Variants in BFSP1 observed in about 807,000 individuals in gnomAD.
The protein encoded by BFSP1 is beaded filament structural protein 1.
BFSP1 carries 38 observed loss-of-function variants against 43.9 expected under a neutral mutation model. The observed-to-expected ratio is 0.87, with a 90% CI of 0.67 to 1.14. The LOEUF is 1.14. BFSP1 is among the 50% of genes most tolerant of loss of function. The pLI, the probability that BFSP1 is intolerant of heterozygous loss-of-function variation, is 0.00. For missense variants in BFSP1, 850 were observed against 875.1 expected, an observed-to-expected ratio of 0.97 and a Z score of 0.36; for synonymous variants, 352 against 354.8, an observed-to-expected ratio of 0.99 and a Z score of 0.09.
intron 1 of BFSP1, among the ~76,000 whole-genome samples, chr20:17,543,415 C>T (rs2034751797): frequency 1.3e-5 from 2 of 152,196 alleles, no homozygotes. Context: ...GTTATTAGAG[C>T]ATAAATGGTG....
chr20:17,567,334 C>A (rs2122138862), intron 1 of BFSP1, among the ~76,000 whole-genome samples: 1 of 152,290 alleles, frequency 6.6e-6, no homozygotes, highest in South Asian at 2.1e-4. Flanking sequence ...TATGCCAGTT[C>A]ATACATACGC....
intron 1 of BFSP1, among the ~76,000 whole-genome samples, chr20:17,529,127 C>T (rs986261352): frequency 7.3e-5 from 11 of 150,920 alleles, no homozygotes; most frequent in Non-Finnish European, 1.2e-4. Flanking sequence ...GGCTGGAGTG[C>T]AGTGGCGCAA....
chr20:17,551,231 C>T (rs932083530), intron 1 of BFSP1, among the ~76,000 whole-genome samples: 4 of 152,154 alleles, frequency 2.6e-5, no homozygotes, highest in Non-Finnish European at 5.9e-5. Flanking sequence ...AGCATCTGCT[C>T]GGCTTCTGAG....
intron 1 of BFSP1, among the ~76,000 whole-genome samples, chr20:17,526,033 A>G (rs73898303): frequency 0.057 from 8,642 of 151,102 alleles, 572 homozygotes; most frequent in East Asian, 0.36. Flanking sequence ...ACTGTACAGT[A>G]TCATACTAAA....
intron 2 of BFSP1, among the ~76,000 whole-genome samples, chr20:17,519,855 G>A (rs1046046869): frequency 6.6e-6 from 1 of 152,202 alleles, no homozygotes; most frequent in Non-Finnish European, 1.5e-5. Flanking sequence ...CTGCTGATAC[G>A]CTGAGGAAAA....
At chr20:17,495,920 C>T (rs1006085038) in intron 7 of BFSP1, among the ~76,000 whole-genome samples, 6 of 152,230 alleles carry the variant, frequency 3.9e-5, no homozygotes, top group Middle Eastern at 3.4e-3. Context: ...CCAGGTGAGC[C>T]GGCAACAGCA....
At chr20:17,502,736 C>T (rs2123466343) in intron 5 of BFSP1, among the ~76,000 whole-genome samples, 1 of 152,248 alleles carries the variant, frequency 6.6e-6, no homozygotes, top group East Asian at 1.9e-4. Context: ...TAGTGTGATC[C>T]AGTTTCTGTT....
intron 1 of BFSP1, among the ~76,000 whole-genome samples, chr20:17,547,383 G>C (rs1411448320): frequency 6.6e-6 from 1 of 152,034 alleles, no homozygotes; most frequent in Non-Finnish European, 1.5e-5. Context: ...TGAGGGCACT[G>C]AAATCTCTCG....
chr20:17,544,805 T>C (rs2034773932), intron 1 of BFSP1, among the ~76,000 whole-genome samples: 1 of 152,200 alleles, frequency 6.6e-6, no homozygotes, highest in Admixed American at 6.5e-5. Context: ...ATCCCTCTTT[T>C]TCCAAAAATC....
chr20:17,504,937 T>C (rs528820600), intron 5 of BFSP1, among the ~76,000 whole-genome samples: 70 of 132,976 alleles, frequency 5.3e-4, no homozygotes, highest in Non-Finnish European at 8.9e-4. Context: ...TGTTTTTGTT[T>C]TGTCTTAAAA....
chr20:17,511,581 C>T (rs1486981015), intron 4 of BFSP1, among the ~76,000 whole-genome samples: 1 of 152,180 alleles, frequency 6.6e-6, no homozygotes, highest in Non-Finnish European at 1.5e-5. Context: ...AGCAAAGACA[C>T]ACTACAAAGC....
chr20:17,497,082 C>G, intron 6 of BFSP1, 59 bp from the exon 7 acceptor site: 11 of 1,300,748 alleles, frequency 8.5e-6, no homozygotes, highest in Non-Finnish European at 1.1e-5. Flanking sequence ...GAGCGACTCT[C>G]GTTAATGTTG....
chr20:17,500,013 T>C (rs2033757604), intron 5 of BFSP1, among the ~76,000 whole-genome samples: 1 of 148,194 alleles, frequency 6.7e-6, no homozygotes, highest in Admixed American at 6.8e-5. Flanking sequence ...AGCATAAATC[T>C]GATAGCAAAA....
rs533071114 is a variant in BFSP1 at position 17,552,935 on chromosome 20, T to A, written c.2+5753A>T. On this transcript the variant is annotated intron_variant, in intron 1 of 7. Transcript: ENST00000377868. ...TCTGGAGAGAGGTCAAGGACAGACA[T>A]AAATTTGGGAACCAACAGCAGAGAG... Among the ~76,000 whole-genome samples the A allele has an allele frequency of 3.3e-5, 5 of 152,258 alleles. No homozygotes were observed. In the East Asian group the frequency reaches 5.8e-4, roughly 18 times the overall value.
upstream of BFSP1, chr20:17,531,494 A>G (rs1486871959): frequency 1.9e-6 from 2 of 1,055,884 alleles, no homozygotes; most frequent in African/African-American, 1.7e-5. Flanking sequence ...GGCGCGGGAG[A>G]AGAAAAGAGC....
rs200332464 is a variant in BFSP1, at chr20:17,567,864, A to AG, written n.50+1306_50+1307insC. Among the ~76,000 whole-genome samples the AG allele has an allele frequency of 2.7e-3, 406 of 151,096 alleles. 7 individuals carry two copies. Among genetic ancestry groups the AG allele is most frequent in the Admixed American group, 0.019 (280 of 15,120 alleles). On this transcript the variant is annotated intron_variant and non_coding_transcript_variant, in intron 1 of 6. Transcript: ENST00000473415. ...CAACAAGAGTGAAACTCAGTCTCAA[A>AG]AAAAAAAAAAAAAGATTTGAGAAGT...
chr20:17,550,069 C>T (rs146300609), intron 1 of BFSP1, among the ~76,000 whole-genome samples: 5 of 152,172 alleles, frequency 3.3e-5, no homozygotes, highest in Admixed American at 2.0e-4. Flanking sequence ...TAGTACCACT[C>T]GGGATTGCTT....
At chr20:17,521,229 G>A (rs148728959) in intron 2 of BFSP1, among the ~76,000 whole-genome samples, 49 of 152,338 alleles carry the variant, frequency 3.2e-4, no homozygotes, top group African/African-American at 1.0e-3. Context: ...TGTAGGTAAC[G>A]TGTTGAGGAG....
chr20:17,526,148 G>GA (rs1273169061), intron 1 of BFSP1, among the ~76,000 whole-genome samples: 1 of 99,994 alleles, frequency 1.0e-5, no homozygotes, highest in African/African-American at 3.8e-5. Flanking sequence ...TGGCGGGGGG[G>GA]GGGGGGGGGG....
Sources: gnomAD v4.1 joint callset for allele counts (sites outside exome capture counted in the v4.1 genomes callset) on GRCh38, gnomAD v4.1.1 for gene constraint, MANE v1.5 for transcripts, NCBI Gene and HGNC (gene_info 2026-07-23, HGNC 2026-07-21) for gene names.